RBM12B: variants seen among roughly 807,000 people sequenced by gnomAD.
RBM12B encodes the protein RNA-binding protein 12B.
RBM12B carries 10 observed loss-of-function variants against 34.3 expected under a neutral mutation model. That is an observed-to-expected ratio of 0.29 (90% CI 0.18 to 0.49). The LOEUF is 0.49. Among genes scored for constraint, RBM12B ranks in the 20% least tolerant of loss-of-function variants. RBM12B has a pLI of 0.99. For synonymous variants in RBM12B, 477 were observed against 437.1 expected, an observed-to-expected ratio of 1.09 and a Z score of -1.14; for missense variants, 1,139 against 1,262.7, an observed-to-expected ratio of 0.90 and a Z score of 1.48.
Position 93,735,696 on chromosome 8 carries a change from T to C in RBM12B, c.715A>G (p.Asn239Asp). The change falls in exon 4 of 4, where the codon AAT becomes GAT. Residue 239 changes from asparagine (N) to aspartate (D), a missense_variant. Coordinates refer to ENST00000520560, the MANE Select transcript of RBM12B (RefSeq NM_001377960.1). The stretch of plus-strand genomic sequence containing the variant: ...AGAACGTCACCCTCCTTAACTGCAT[T>C]ACCACCAAACTCAATCCACTGTTGT... ...SEQQWIEFGG[N>D]AVKEGDVLRR... The C allele has an allele frequency of 6.2e-7, 1 of 1,614,182 alleles. No homozygotes were observed.
At chr8:93,736,701 T>C (rs952236777) in intron 3 of RBM12B, among the ~76,000 whole-genome samples, 2 of 152,178 alleles carry the variant, frequency 1.3e-5, no homozygotes, top group Non-Finnish European at 2.9e-5. Context: ...ATCAAAAATA[T>C]CAAATCTTCC....
chr8:93,739,025 T>A (rs1409800401), intron 2 of RBM12B: 1 of 152,222 alleles, frequency 6.6e-6, no homozygotes, highest in African/African-American at 2.4e-5. Context: ...AAAAAAAGCC[T>A]ATTTTCTTCA....
At position 93,735,036 on chromosome 8, in the gene RBM12B, G is replaced by C. The variant is rs767892135; in HGVS notation, c.1375C>G (p.Arg459Gly). ...KSEEQAMKAE[R>G]LNRRRFLGTE... The stretch of plus-strand genomic sequence containing the variant: ...CCTAGGAATCTTCGTCGGTTTAAAC[G>C]TTCAGCTTTCATGGCCTGTTCTTCT... The change falls in exon 4 of 4, where the codon CGT becomes GGT. Residue 459 changes from arginine (R) to glycine (G), a missense_variant. By Grantham distance (125) the Arg-to-Gly change is moderately radical. Transcript: ENST00000520560. 1 of 1,613,864 alleles carries C rather than the reference G, an allele frequency of 6.2e-7. No individual in the cohort carries two copies. The highest frequency in any genetic ancestry group is 8.5e-7 in the Non-Finnish European group (1 of 1,179,946).
Position 93,736,049 on chromosome 8 carries a change from C to G in RBM12B, c.362G>C (p.Gly121Ala), listed in dbSNP as rs372272143. Residue 121 changes from glycine (G) to alanine (A), a missense_variant, in exon 4 of 4, where the codon GGA (glycine) becomes GCA (alanine). Gly to Ala is a moderately conservative substitution (Grantham distance 60). Transcript: ENST00000520560. ...ESVKEEASNSGYGSSINQDAG... is the reference protein window; with the variant it reads ...ESVKEEASNSAYGSSINQDAG... ...ATCTTGATTAATTGAAGAGCCATAT[C>G]CAGAATTACTTGCTTCTTCCTTAAC... is the stretch of plus-strand genomic sequence containing the variant. 203 of 1,614,040 alleles carry G rather than the reference C, an allele frequency of 1.3e-4. No individual in the cohort carries two copies. Among genetic ancestry groups the G allele is most frequent in the Non-Finnish European group, 1.7e-4 (198 of 1,180,038 alleles).
At position 93,734,670 on chromosome 8, in the gene RBM12B, G is replaced by T. The variant is rs749423709; in HGVS notation, c.1741C>A (p.Arg581=). Residue 581 remains arginine (R), a synonymous_variant, in exon 4 of 4, where the codon CGA becomes AGA. Coordinates refer to ENST00000520560, the MANE Select transcript of RBM12B (RefSeq NM_001377960.1). ...DFRHSPEDFR[R]PREEDFRRPS... ...CGCCTGAAGTCTTCCTCCCTAGGTCGCCTGAAGTCCTCTGGGGAGTGCCTG... is the reference window on the plus strand; with the variant it reads ...CGCCTGAAGTCTTCCTCCCTAGGTCTCCTGAAGTCCTCTGGGGAGTGCCTG... 3 of 1,612,826 alleles carry T rather than the reference G, an allele frequency of 1.9e-6. No homozygotes were observed. The highest frequency in any genetic ancestry group is 8.5e-7 in the Non-Finnish European group (1 of 1,179,368).
At position 93,734,446 on chromosome 8, in the gene RBM12B, A is replaced by G. The variant is rs1407351974; in HGVS notation, c.1965T>C (p.Pro655=). 5.6e-6 allele frequency: 9 copies of G among 1,602,828 alleles called. No homozygotes were observed. Among genetic ancestry groups the G allele is most frequent in the Non-Finnish European group, 7.7e-6 (9 of 1,174,066 alleles). Residue 655 remains proline, a synonymous_variant, in exon 4 of 4, where the codon CCT becomes CCC. Coordinates refer to ENST00000520560, the MANE Select transcript of RBM12B (RefSeq NM_001377960.1). ...QLPEEDFRQP[P]EEDLRWLPEE... Reference sequence around the variant, plus strand: ...CTGGGAGCCACCTTAAGTCCTCCTCAGGGGGTTGCCTGAAGTCCTCCTCGG... The same window carrying G: ...CTGGGAGCCACCTTAAGTCCTCCTCGGGGGGTTGCCTGAAGTCCTCCTCGG...
Position 93,736,043 on chromosome 8 carries a change from C to T in RBM12B, c.368G>A (p.Gly123Asp), listed in dbSNP as rs770621355. 2 of 1,614,144 alleles carry T rather than the reference C, an allele frequency of 1.2e-6. No homozygotes were observed. The highest frequency in any genetic ancestry group is 1.7e-6 in the Non-Finnish European group (2 of 1,180,030). Reference protein sequence around the residue: ...VKEEASNSGYGSSINQDAGFH... With the variant: ...VKEEASNSGYDSSINQDAGFH... Reference sequence around the variant, plus strand: ...CCCAGCATCTTGATTAATTGAAGAGCCATATCCAGAATTACTTGCTTCTTC... The same window carrying T: ...CCCAGCATCTTGATTAATTGAAGAGTCATATCCAGAATTACTTGCTTCTTC... Residue 123 changes from glycine (G) to aspartate (D), a missense_variant, in exon 4 of 4, where the codon GGC (glycine) becomes GAC (aspartate). Around this residue, in one of 3 missense-constraint regions of RBM12B, gnomAD observed 216 missense variants for 292.2 expected, o/e 0.74. Transcript: ENST00000520560.
Position 93,734,380 on chromosome 8 carries a change from C to CCGT in RBM12B, c.2028_2030dup (p.Arg677dup). On this transcript the variant is annotated inframe_insertion, in exon 4 of 4. Coordinates refer to ENST00000520560, the MANE Select transcript of RBM12B (RefSeq NM_001377960.1). ...GCCGCCTAAAGTCCTCCTCTGGGGG[C>CCGT]CGTCTCCAGTCCTCCTCAGGTGGCC... 1.9e-6 allele frequency: 3 copies of CCGT among 1,612,056 alleles called. No individual in the cohort carries two copies. In the South Asian group the frequency reaches 3.3e-5, roughly 18 times the overall value.
At position 93,736,200 on chromosome 8, in the gene RBM12B, GCTCTA is replaced by G. The variant is rs1812016401; in HGVS notation, c.206_210del (p.Val69AlafsTer4). The G allele has an allele frequency of 6.2e-7, 1 of 1,614,008 alleles. No individual in the cohort carries two copies. The highest frequency in any genetic ancestry group is 8.5e-7 in the Non-Finnish European group (1 of 1,180,038). ...ATTTCTGCCTTGCTACTAAGAAAGAGCTCTACAGATGAATCCTTGATAAACCCTCC... is the reference window on the plus strand; with the variant it reads ...ATTTCTGCCTTGCTACTAAGAAAGAGCAGATGAATCCTTGATAAACCCTCC... On this transcript the variant is annotated frameshift_variant, in exon 4 of 4. Coordinates refer to ENST00000520560, the MANE Select transcript of RBM12B (RefSeq NM_001377960.1). LOFTEE classifies it high-confidence loss of function.
At chr8:93,736,986 G>A (rs970498160) in intron 3 of RBM12B, among the ~76,000 whole-genome samples, 2 of 152,182 alleles carry the variant, frequency 1.3e-5, no homozygotes, top group Non-Finnish European at 2.9e-5. Context: ...CAAGAGGATC[G>A]CTTGAGGCCA....
In RBM12B at chr8:93,731,005, A is replaced by T. The variant is rs1188541034; in HGVS notation, c.*2400T>A. On this transcript the variant is annotated 3_prime_UTR_variant, in exon 4 of 4. Coordinates refer to ENST00000520560, the MANE Select transcript of RBM12B (RefSeq NM_001377960.1). ...GTGAGACTCTGTCTCTACAAATAAT[A>T]AAAAATTTAGCCAGACAAGGTGGCA... 2 of 152,138 alleles carry T rather than the reference A, an allele frequency of 1.3e-5. No homozygotes were observed. Among genetic ancestry groups the T allele is most frequent in the Non-Finnish European group, 2.9e-5 (2 of 68,022 alleles). The allele number at this position is 152,138 out of a possible 1,614,324, so 9.4% of individuals were successfully genotyped here.
In RBM12B at chr8:93,733,327, A is replaced by G. The variant is rs1811855586; in HGVS notation, c.*78T>C. The G allele has an allele frequency of 8.4e-7, 1 of 1,191,202 alleles. No homozygotes were observed. The highest frequency in any genetic ancestry group is 1.1e-6 in the Non-Finnish European group (1 of 899,198). The allele number at this position is 1,191,202 out of a possible 1,614,324, so 73.8% of individuals were successfully genotyped here. On this transcript the variant is annotated 3_prime_UTR_variant, in exon 4 of 4. Coordinates refer to ENST00000520560, the MANE Select transcript of RBM12B (RefSeq NM_001377960.1). ...TATTTCATTAGATAATTTAAAAAAA[A>G]AACACTTTTTTAAAACAAATGTATT...
rs556017291 is a variant in RBM12B at position 93,734,434 on chromosome 8, T to C, written c.1977A>G (p.Leu659=). ...TGAAATCTTCCTCTGGGAGCCACCTTAAGTCCTCCTCAGGGGGTTGCCTGA... is the reference window on the plus strand; with the variant it reads ...TGAAATCTTCCTCTGGGAGCCACCTCAAGTCCTCCTCAGGGGGTTGCCTGA... ...EDFRQPPEED[L]RWLPEEDFRR... Residue 659 remains leucine (L), a synonymous_variant, in exon 4 of 4, where the codon TTA becomes TTG. Transcript: ENST00000520560. The C allele has an allele frequency of 5.6e-6, 9 of 1,593,420 alleles. No individual in the cohort carries two copies. Among genetic ancestry groups the C allele is most frequent in the Non-Finnish European group, 7.7e-6 (9 of 1,170,732 alleles).
intron 2 of RBM12B, among the ~76,000 whole-genome samples, chr8:93,738,659 C>T (rs1812098231): frequency 6.6e-6 from 1 of 152,160 alleles, no homozygotes; most frequent in African/African-American, 2.4e-5. Flanking sequence ...GCCAGGGTTT[C>T]ACCATGTTGC....
Position 93,740,942 on chromosome 8 carries a change from T to A in RBM12B, c.-207A>T, listed in dbSNP as rs2130491007. 4.6e-6 allele frequency: 1 copy of A among 217,372 alleles called. No individual in the cohort carries two copies. Among genetic ancestry groups the A allele is most frequent in the Middle Eastern group, 2.0e-3 (1 of 490 alleles). 13.5% of individuals were successfully genotyped at this position (217,372 alleles called of 1,614,324 possible). A position where few individuals can be genotyped will look rare whatever the true frequency, so the allele number is the denominator to read the frequency against. The stretch of plus-strand genomic sequence containing the variant: ...GAGGGAACTCTTCGTCGCAGCAGCC[T>A]CCCCAAAACAGGTAGACCCTCAGTG... On this transcript the variant is annotated 5_prime_UTR_variant, in exon 1 of 4. Transcript: ENST00000520560.
At chr8:93,737,013 C>T (rs547771429) in intron 3 of RBM12B, among the ~76,000 whole-genome samples, 46 of 152,300 alleles carry the variant, frequency 3.0e-4, no homozygotes, top group Admixed American at 2.9e-3. Flanking sequence ...CAAGACCAGC[C>T]TTGGCAACAG....
chr8:93,733,797 A>T lies in RBM12B; in HGVS notation c.2614T>A (p.Phe872Ile), dbSNP rs1278769403. Residue 872 changes from phenylalanine to isoleucine, a missense_variant, in exon 4 of 4, where the codon TTT (phenylalanine) becomes ATT (isoleucine). Phe to Ile is a conservative substitution (Grantham distance 21, BLOSUM62 0). Coordinates refer to ENST00000520560, the MANE Select transcript of RBM12B (RefSeq NM_001377960.1). ...PDNFRPPGED[F>I]RSPPDDFRSH... ...CTAAAATCATCAGGCGGGCTCCTAA[A>T]ATCCTCACCAGGAGGTCTAAAATTG... The T allele has an allele frequency of 6.2e-7, 1 of 1,614,168 alleles. No homozygotes were observed. Among genetic ancestry groups the T allele is most frequent in the Non-Finnish European group, 8.5e-7 (1 of 1,180,030 alleles).
In RBM12B at chr8:93,735,766, T is replaced by C. The variant is rs986191949; in HGVS notation, c.645A>G (p.Arg215=). 1 of 1,613,994 alleles carries C rather than the reference T, an allele frequency of 6.2e-7. No homozygotes were observed. The highest frequency in any genetic ancestry group is 1.3e-5 in the African/African-American group (1 of 74,926). Residue 215 remains arginine (R), a synonymous_variant, in exon 4 of 4, where the codon AGA becomes AGG. Coordinates refer to ENST00000520560, the MANE Select transcript of RBM12B (RefSeq NM_001377960.1). ...VDASGGLKCH[R]SFMGSRFIEV... is the part of the protein sequence containing the mutation. ...CTATAAATCTTGAACCCATAAAACT[T>C]CTATGACATTTAAGACCTCCTGAAG...
At position 93,733,637 on chromosome 8, in the gene RBM12B, G is replaced by A; in HGVS notation, c.2774C>T (p.Thr925Ile). The change falls in exon 4 of 4, where the codon ACT becomes ATT. Residue 925 changes from threonine (T) to isoleucine (I), a missense_variant. Thr to Ile is a moderately conservative substitution (Grantham distance 89). This residue lies in a region of RBM12B where 60 missense variants were observed against 101.0 expected (regional missense o/e 0.59). Coordinates refer to ENST00000520560, the MANE Select transcript of RBM12B (RefSeq NM_001377960.1). ...TGGAAGATTCATTATCTTAATAGGA[G>A]TTACTCTACCTGAACCACAATTTAT... is the stretch of plus-strand genomic sequence containing the variant. ...PKINCGSGRVTPIKIMNLPFK... is the reference protein window; with the variant it reads ...PKINCGSGRVIPIKIMNLPFK... The A allele has an allele frequency of 6.2e-7, 1 of 1,614,006 alleles. No individual in the cohort carries two copies.
Sources: gnomAD v4.1 joint callset for allele counts (sites outside exome capture counted in the v4.1 genomes callset) on GRCh38, gnomAD v4.1.1 for gene constraint, gnomAD v4.1.1 regional missense constraint, MANE v1.5 for transcripts, NCBI Gene and HGNC (gene_info 2026-07-23, HGNC 2026-07-21) for gene names.